ANO5: variants seen among roughly 807,000 people sequenced by gnomAD.
ANO5 encodes anoctamin-5.
In ANO5, 109 loss-of-function variants were observed where a neutral mutation model predicts 121.0. The ratio of observed to expected loss-of-function variants is 0.90; its 90% CI spans 0.77 to 1.06. The LOEUF is 1.06. ANO5 is among the 50% of genes least tolerant of loss of function. The probability of loss-of-function intolerance (pLI) is 0.00; values close to 1 mark genes in which losing one functional copy is unlikely to be tolerated. For synonymous variants in ANO5, 406 were observed against 359.9 expected (o/e 1.13, Z -1.45); for missense variants, 1,064 against 1,078.5 (o/e 0.99, Z 0.19).
intron 12 of ANO5, among the ~76,000 whole-genome samples, chr11:22,251,524 T>A (rs1202712305): frequency 6.6e-6 from 1 of 152,232 alleles, no homozygotes; most frequent in African/African-American, 2.4e-5. Flanking sequence ...GGACTTCATA[T>A]TTTAACCATT....
intron 12 of ANO5, among the ~76,000 whole-genome samples, chr11:22,251,927 G>A (rs966536341): frequency 4.0e-5 from 6 of 150,640 alleles, no homozygotes; most frequent in African/African-American, 1.5e-4. Context: ...CTACTTGGGA[G>A]GCTGAGGCAA....
chr11:22,242,151 T>G (rs1306103606), intron 9 of ANO5, among the ~76,000 whole-genome samples: 1 of 152,160 alleles, frequency 6.6e-6, no homozygotes, highest in Non-Finnish European at 1.5e-5. Context: ...CGGAATCCGT[T>G]CCCCATTGCT....
chr11:22,271,126 C>T (rs1453656050), intron 18 of ANO5, among the ~76,000 whole-genome samples: 1 of 152,196 alleles, frequency 6.6e-6, no homozygotes, highest in Non-Finnish European at 1.5e-5. Flanking sequence ...AATCTCGGCT[C>T]ACTGCAGCCT....
chr11:22,193,331 A>AAGGAGGAGGAGG lies in ANO5; in HGVS notation c.-156_-155insAGGAGGAGGAGG. 7.0e-7 allele frequency: 1 copy of AAGGAGGAGGAGG among 1,430,504 alleles called. No homozygotes were observed. The highest frequency in any genetic ancestry group is 2.6e-5 in the East Asian group (1 of 39,022). The allele number at this position is 1,430,504 out of a possible 1,614,324, so 88.6% of individuals were successfully genotyped here. Reference sequence around the variant, plus strand: ...GACGGTGGAGTCCGAGGAGGAGGAGAAGGAGGCCTGCAGAAGGAAGAGCAG... The same window carrying AAGGAGGAGGAGG: ...GACGGTGGAGTCCGAGGAGGAGGAGAAGGAGGAGGAGGAGGAGGCCTGCAGAAGGAAGAGCAG... On this transcript the variant is annotated 5_prime_UTR_variant, in exon 1 of 22. Coordinates refer to ENST00000324559, the MANE Select transcript of ANO5 (RefSeq NM_213599.3).
At chr11:22,246,264 TTTAG>T (rs1367106189) in intron 9 of ANO5, among the ~76,000 whole-genome samples, 1 of 152,180 alleles carries the variant, frequency 6.6e-6, no homozygotes, top group African/African-American at 2.4e-5. Context: ...CATTAGGGCA[TTTAG>T]TTAAACTTTT....
chr11:22,269,858 A>G (rs1307037171), intron 17 of ANO5, among the ~76,000 whole-genome samples: 1 of 152,210 alleles, frequency 6.6e-6, no homozygotes, highest in East Asian at 1.9e-4. Context: ...CTTTTTATAT[A>G]GCATGGAATT....
In ANO5 at chr11:22,250,313, G is replaced by A. The variant is rs1313609330; in HGVS notation, c.955G>A (p.Val319Ile). The change falls in exon 10 of 22, where the codon GTA (valine) becomes ATA (isoleucine). Residue 319 changes from valine (V) to isoleucine (I), a missense_variant. By Grantham distance (29) the Val-to-Ile change is conservative. Coordinates refer to ENST00000324559, the MANE Select transcript of ANO5 (RefSeq NM_213599.3). Reference sequence around the variant, plus strand: ...CACAGAAATGCTATTCTTTGCAGCTGTAGTTGGCTTAGCTTGTTTTATTTA... The same window carrying A: ...CACAGAAATGCTATTCTTTGCAGCTATAGTTGGCTTAGCTTGTTTTATTTA... ...FYTEMLFFAAVVGLACFIYGL... is the reference protein window; with the variant it reads ...FYTEMLFFAAIVGLACFIYGL... The A allele has an allele frequency of 4.3e-6, 7 of 1,612,928 alleles. No homozygotes were observed. The highest frequency in any genetic ancestry group is 1.3e-5 in the African/African-American group (1 of 74,888).
chr11:22,278,926 G>C (rs558335743), intron 21 of ANO5, among the ~76,000 whole-genome samples: 1 of 151,022 alleles, frequency 6.6e-6, no homozygotes, highest in East Asian at 1.9e-4. Context: ...ACTGTGTCTG[G>C]TGCCCCTGGA....
chr11:22,223,680 T>G (rs1327532317), intron 5 of ANO5, among the ~76,000 whole-genome samples: 5 of 152,060 alleles, frequency 3.3e-5, no homozygotes, highest in Non-Finnish European at 7.4e-5. Flanking sequence ...ATTTAATCCC[T>G]GCTTTATTAA....
chr11:22,197,046 G>T (rs1590207563), intron 1 of ANO5, among the ~76,000 whole-genome samples: 1 of 152,120 alleles, frequency 6.6e-6, no homozygotes, highest in Non-Finnish European at 1.5e-5. Flanking sequence ...ATATAGGTAA[G>T]CCTTGATTTT....
intron 7 of ANO5, among the ~76,000 whole-genome samples, chr11:22,230,054 T>C (rs1222612759): frequency 6.6e-6 from 1 of 151,748 alleles, no homozygotes; most frequent in Non-Finnish European, 1.5e-5. Flanking sequence ...GTGATATGTT[T>C]GTTTATATAT....
At chr11:22,211,395 T>C (rs1180439190) in intron 3 of ANO5, 81 bp downstream of exon 3, 4 of 1,437,858 alleles carry the variant, frequency 2.8e-6, no homozygotes, top group Non-Finnish European at 3.9e-6. Flanking sequence ...TGATACTCTT[T>C]TCCAGTTCAG....
rs796112718 is a variant in ANO5 at position 22,271,477 on chromosome 11, C to CTAT, written c.2029+1035_2029+1036insTAT. ...CATGGATTGAAATATAAATTTAGGA[C>CTAT]AAATAGAAGCTATTTTATAGAACTC... On this transcript the variant is annotated intron_variant, in intron 18 of 21. Coordinates refer to ENST00000324559, the MANE Select transcript of ANO5 (RefSeq NM_213599.3). Among the ~76,000 whole-genome samples, 13 of 152,216 alleles carry CTAT rather than the reference C, an allele frequency of 8.5e-5. 1 individual carries two copies. Among genetic ancestry groups the CTAT allele is most frequent in the African/African-American group, 3.1e-4 (13 of 41,532 alleles).
At chr11:22,269,324 A>T (rs1854500459) in intron 17 of ANO5, among the ~76,000 whole-genome samples, 1 of 117,862 alleles carries the variant, frequency 8.5e-6, no homozygotes, top group Non-Finnish European at 1.7e-5. Context: ...GGAAGGAGAA[A>T]AAAAGAAAGA....
chr11:22,204,076 C>G (rs1461093017), intron 2 of ANO5, among the ~76,000 whole-genome samples: 1 of 151,988 alleles, frequency 6.6e-6, no homozygotes, highest in African/African-American at 2.4e-5. Flanking sequence ...TGTTTTGAGG[C>G]TCCCTGTGAA....
chr11:22,193,895 G>A (rs1341414868), intron 1 of ANO5, among the ~76,000 whole-genome samples: 2 of 152,204 alleles, frequency 1.3e-5, no homozygotes, highest in African/African-American at 4.8e-5. Flanking sequence ...CCCAGCCAAT[G>A]GAAACGAAGG....
At chr11:22,253,891 G>A (rs1853908247) in intron 12 of ANO5, among the ~76,000 whole-genome samples, 1 of 152,000 alleles carries the variant, frequency 6.6e-6, no homozygotes, top group African/African-American at 2.4e-5. Flanking sequence ...TGGTTACCAG[G>A]GCTGGACGAT....
At chr11:22,195,648 T>C (rs762954977) in intron 1 of ANO5, among the ~76,000 whole-genome samples, 5 of 152,120 alleles carry the variant, frequency 3.3e-5, no homozygotes, top group Non-Finnish European at 7.4e-5. Context: ...CCCAAGTTGG[T>C]CTTGAACTCC....
intron 12 of ANO5, among the ~76,000 whole-genome samples, chr11:22,252,175 G>A (rs1015605216): frequency 2.0e-5 from 3 of 151,624 alleles, no homozygotes; most frequent in Admixed American, 6.6e-5. Context: ...TCTGAAGAGA[G>A]CAGCCTAGAT....
Sources: allele counts gnomAD v4.1 joint callset (sites outside exome capture counted in the v4.1 genomes callset), GRCh38; gene constraint gnomAD v4.1.1; transcripts MANE v1.5; gene names NCBI Gene and HGNC (gene_info 2026-07-23, HGNC 2026-07-21).